Variants in ZCCHC7 observed in about 807,000 individuals in gnomAD.
ZCCHC7 encodes zinc finger CCHC domain-containing protein 7.
In ZCCHC7, 35 loss-of-function variants were observed where a neutral mutation model predicts 52.0. The observed-to-expected ratio is 0.67, with a 90% confidence interval of 0.51 to 0.89. The LOEUF is 0.89. Ranked by LOEUF, ZCCHC7 falls within the 40% of genes least tolerant of loss-of-function variation. The pLI, the probability that ZCCHC7 is intolerant of heterozygous loss-of-function variation, is 0.00. For missense variants in ZCCHC7, 574 were observed against 649.1 expected, an observed-to-expected ratio of 0.88 and a Z score of 1.26; for synonymous variants, 217 against 221.5, an observed-to-expected ratio of 0.98 and a Z score of 0.18.
chr9:37,162,755 A>ATG (rs1176146680), intron 2 of ZCCHC7, among the ~76,000 whole-genome samples: 1 of 152,198 alleles, frequency 6.6e-6, no homozygotes, highest in Admixed American at 6.5e-5. Flanking sequence ...TGTAATGGAT[A>ATG]TGTGTGTTTA....
At chr9:37,312,969 T>C (rs1392711434) in intron 5 of ZCCHC7, among the ~76,000 whole-genome samples, 1 of 152,156 alleles carries the variant, frequency 6.6e-6, no homozygotes, top group Non-Finnish European at 1.5e-5. Context: ...AAAATCACGA[T>C]GTGAGGAAGG....
chr9:37,182,350 CT>C (rs1251596473), intron 2 of ZCCHC7, among the ~76,000 whole-genome samples: 1 of 147,450 alleles, frequency 6.8e-6, no homozygotes, highest in Admixed American at 6.7e-5. Context: ...ATTTTTTTTT[CT>C]TTTTTTCTTT....
intron 2 of ZCCHC7, among the ~76,000 whole-genome samples, chr9:37,183,935 T>G (rs1284082762): frequency 6.6e-6 from 1 of 152,204 alleles, no homozygotes; most frequent in Non-Finnish European, 1.5e-5. Context: ...ATCTGGTAGT[T>G]TTGTAAATTC....
intron 2 of ZCCHC7, among the ~76,000 whole-genome samples, chr9:37,290,760 T>C (rs2133626434): frequency 6.6e-6 from 1 of 152,348 alleles, no homozygotes; most frequent in Non-Finnish European, 1.5e-5. Context: ...ACTAATTCTG[T>C]TTCAGAATTA....
chr9:37,163,150 G>A (rs771368312), intron 2 of ZCCHC7, among the ~76,000 whole-genome samples: 4 of 151,788 alleles, frequency 2.6e-5, no homozygotes, highest in Non-Finnish European at 5.9e-5. Context: ...GCTGTGAGCC[G>A]AGATCGCACC....
intron 2 of ZCCHC7, among the ~76,000 whole-genome samples, chr9:37,146,348 A>G (rs990915907): frequency 1.7e-4 from 26 of 151,936 alleles, no homozygotes; most frequent in African/African-American, 5.8e-4. Context: ...TGTGTATCCA[A>G]TTTTCTGAGG....
chr9:37,203,976 CT>C (rs1823772850), intron 2 of ZCCHC7, among the ~76,000 whole-genome samples: 1 of 152,126 alleles, frequency 6.6e-6, no homozygotes, highest in African/African-American at 2.4e-5. Context: ...TTTGTTGTTT[CT>C]TGACTTTTTA....
At chr9:37,231,339 A>G (rs1271830422) in intron 2 of ZCCHC7, among the ~76,000 whole-genome samples, 1 of 152,250 alleles carries the variant, frequency 6.6e-6, no homozygotes, top group Non-Finnish European at 1.5e-5. Context: ...AGAATGAATT[A>G]TTTAGATATT....
In ZCCHC7 at chr9:37,253,387, A is replaced by C. The variant is rs184264010; in HGVS notation, c.611-48801A>C. ...TGTAGTGTCAATGCAAATTTTAATT[A>C]CATTGCTTCTTTAATGAATCTTGAT... is the stretch of plus-strand genomic sequence containing the variant. On this transcript the variant is annotated intron_variant, in intron 2 of 8. Coordinates refer to ENST00000336755, the MANE Select transcript of ZCCHC7 (RefSeq NM_032226.3). 4.1e-3 allele frequency among the ~76,000 whole-genome samples: 621 copies of C among 152,166 alleles called. 6 individuals are homozygous for C. The highest frequency in any genetic ancestry group is 0.013 in the African/African-American group (561 of 41,558).
At chr9:37,336,078 T>G (rs946137154) in intron 6 of ZCCHC7, among the ~76,000 whole-genome samples, 2 of 152,250 alleles carry the variant, frequency 1.3e-5, no homozygotes, top group South Asian at 2.1e-4. Context: ...AGGGCTTATG[T>G]TAATCAGATA....
chr9:37,178,545 CCT>C (rs1417754067), intron 2 of ZCCHC7, among the ~76,000 whole-genome samples: 1 of 151,448 alleles, frequency 6.6e-6, no homozygotes, highest in African/African-American at 2.4e-5. Context: ...GGCAAATAAA[CCT>C]CTATATTTCA....
intron 2 of ZCCHC7, chr9:37,284,470 A>G (rs1238754912): frequency 2.0e-5 from 3 of 152,152 alleles, no homozygotes; most frequent in African/African-American, 7.2e-5. Context: ...ATTTTTTTAA[A>G]TATGTAACAA....
At chr9:37,269,149 A>T (rs778380035) in intron 2 of ZCCHC7, among the ~76,000 whole-genome samples, 1 of 152,086 alleles carries the variant, frequency 6.6e-6, no homozygotes, top group African/African-American at 2.4e-5. Flanking sequence ...AAAGAGTGTG[A>T]GAGAGAGCAT....
intron 2 of ZCCHC7, among the ~76,000 whole-genome samples, chr9:37,208,422 T>C (rs1178641122): frequency 6.6e-6 from 1 of 152,196 alleles, no homozygotes; most frequent in African/African-American, 2.4e-5. Flanking sequence ...CTAGATTGCC[T>C]TCACCAACCC....
intron 2 of ZCCHC7, among the ~76,000 whole-genome samples, chr9:37,195,928 T>C (rs1455765392): frequency 1.3e-5 from 2 of 152,132 alleles, no homozygotes; most frequent in African/African-American, 2.4e-5. Context: ...ATTGTAAGTT[T>C]GTGTGATTTT....
chr9:37,248,526 G>T (rs1165176678), intron 2 of ZCCHC7, among the ~76,000 whole-genome samples: 15 of 151,960 alleles, frequency 9.9e-5, no homozygotes, highest in Non-Finnish European at 1.8e-4. Flanking sequence ...CAATAACATT[G>T]TTTGGGAGCC....
At chr9:37,288,483 G>T (rs950026920) in intron 2 of ZCCHC7, among the ~76,000 whole-genome samples, 14 of 151,696 alleles carry the variant, frequency 9.2e-5, no homozygotes, top group African/African-American at 2.9e-4. Context: ...AAGGAGATAG[G>T]GTACCACATT....
intron 2 of ZCCHC7, among the ~76,000 whole-genome samples, chr9:37,132,972 T>C (rs1842854332): frequency 6.6e-6 from 1 of 152,008 alleles, no homozygotes. Flanking sequence ...CCCCGTCTCT[T>C]CTAAAAATAC....
At chr9:37,344,617 C>A (rs959713029) in intron 6 of ZCCHC7, among the ~76,000 whole-genome samples, 4 of 152,150 alleles carry the variant, frequency 2.6e-5, no homozygotes, top group Non-Finnish European at 5.9e-5. Flanking sequence ...TGAGAAAGGA[C>A]CTTCCTAGTT....
Sources: allele counts gnomAD v4.1 joint callset (sites outside exome capture counted in the v4.1 genomes callset), GRCh38; gene constraint gnomAD v4.1.1; transcripts MANE v1.5; gene names NCBI Gene and HGNC (gene_info 2026-07-23, HGNC 2026-07-21).